ADGRV1: variants seen among roughly 807,000 people sequenced by gnomAD.
ADGRV1 encodes the protein G-protein coupled receptor 98.
A neutral mutation model predicts 596.2 loss-of-function variants in ADGRV1; 359 were observed. The observed-to-expected ratio is 0.60, with a 90% CI of 0.55 to 0.66. The LOEUF (loss-of-function observed/expected upper bound fraction) is 0.66. Among genes scored for constraint, ADGRV1 ranks in the 30% least tolerant of loss-of-function variants. ADGRV1 has a pLI of 0.00. For missense variants in ADGRV1, 7,274 were observed against 7,575.6 expected (o/e 0.96, Z 1.48); for synonymous variants, 2,681 against 2,679.2 (o/e 1.00, Z -0.02).
intron 87 of ADGRV1, among the ~76,000 whole-genome samples, chr5:91,125,205 A>T (rs1296416856): frequency 6.6e-6 from 1 of 152,180 alleles, no homozygotes; most frequent in Admixed American, 6.5e-5. Context: ...AATGGATGAG[A>T]GTGGAGAAGC....
rs140574097 is a variant in ADGRV1, at chr5:90,620,985, T to A, written c.454-1612T>A. ...CACTCACCTTTGCTCAATAGTGTAT[T>A]TTCTGTTCCTTAACTGAATTCCTGT... On this transcript the variant is annotated intron_variant, in intron 4 of 89. Coordinates refer to ENST00000405460, the MANE Select transcript of ADGRV1 (RefSeq NM_032119.4). Among the ~76,000 whole-genome samples, 248 of 152,298 alleles carry A rather than the reference T, an allele frequency of 1.6e-3. 1 individual carries two copies. Among genetic ancestry groups the A allele is most frequent in the Non-Finnish European group, 2.9e-3 (195 of 68,024 alleles).
chr5:90,629,311 A>G lies in ADGRV1; in HGVS notation c.1611A>G (p.Leu537=). The G allele has an allele frequency of 6.2e-7, 1 of 1,613,608 alleles. No individual in the cohort carries two copies. Among genetic ancestry groups the G allele is most frequent in the Non-Finnish European group, 8.5e-7 (1 of 1,179,698 alleles). Residue 537 remains leucine (L), a synonymous_variant, in exon 9 of 90, where the codon TTA becomes TTG. Transcript: ENST00000405460. ...AAAGCAGCCCAGGTGAACGATACTT[A>G]TCCTTGAGTTTTACAAGACTAGGAG... is the stretch of plus-strand genomic sequence containing the variant. ...KIESSPGERY[L]SLSFTRLGGT... is the part of the protein sequence containing the mutation.
At chr5:90,729,200 A>G (rs1019890869) in intron 49 of ADGRV1, among the ~76,000 whole-genome samples, 2 of 152,182 alleles carry the variant, frequency 1.3e-5, no homozygotes, top group African/African-American at 4.8e-5. Context: ...AGATACATGA[A>G]TATTTTATAC....
Position 90,759,401 on chromosome 5 carries a change from T to G in ADGRV1, c.11941-8T>G. ...CTCTCTTTCTCCCTTCCTTCCTTTC[T>G]TTCATAGGTTACTGCAATGATAGAA... On this transcript the variant is annotated splice_polypyrimidine_tract_variant and splice_region_variant and intron_variant, in intron 57 of 89. Transcript: ENST00000405460. The G allele has an allele frequency of 6.5e-7, 1 of 1,542,268 alleles. No homozygotes were observed. The highest frequency in any genetic ancestry group is 8.8e-7 in the Non-Finnish European group (1 of 1,137,522).
intron 11 of ADGRV1, among the ~76,000 whole-genome samples, chr5:90,638,485 CA>C (rs1358932252): frequency 6.6e-6 from 1 of 151,320 alleles, no homozygotes; most frequent in African/African-American, 2.4e-5. Context: ...TAAGAATCAA[CA>C]GCATTTCTCA....
intron 78 of ADGRV1, 145 bp downstream of exon 78, chr5:90,841,130 C>G (rs1194082750): frequency 1.7e-5 from 10 of 585,076 alleles, no homozygotes; most frequent in Non-Finnish European, 2.8e-5. Flanking sequence ...GAATAGAATG[C>G]ATCATATCTG....
chr5:90,680,815 A>G (rs1290714245), intron 26 of ADGRV1, among the ~76,000 whole-genome samples: 1 of 152,224 alleles, frequency 6.6e-6, no homozygotes, highest in Non-Finnish European at 1.5e-5. Flanking sequence ...TTAGCTACAG[A>G]ATGGGACTAT....
At chr5:90,709,821 C>A (rs1580818427) in intron 39 of ADGRV1, among the ~76,000 whole-genome samples, 1 of 152,184 alleles carries the variant, frequency 6.6e-6, no homozygotes, top group South Asian at 2.1e-4. Flanking sequence ...ACTAACAAAA[C>A]AATTCATATT....
In ADGRV1 at chr5:90,653,704, G is replaced by A; in HGVS notation, c.4130G>A (p.Gly1377Asp). 6.2e-7 allele frequency: 1 copy of A among 1,613,040 alleles called. No individual in the cohort carries two copies. Among genetic ancestry groups the A allele is most frequent in the Non-Finnish European group, 8.5e-7 (1 of 1,179,506 alleles). ...GGATTCATTATAGCGAAGGATGACG[G>A]TAATGGAAGCATCTACTACGGGGTA... is the stretch of plus-strand genomic sequence containing the variant. ...TNGFIIAKDD[G>D]NGSIYYGVKI... Residue 1377 changes from glycine to aspartate, a missense_variant, in exon 20 of 90, where the codon GGT (glycine) becomes GAT (aspartate). Physicochemically the swap from Gly to Asp is moderately conservative, Grantham distance 94. This residue lies in a region of ADGRV1 where 1,715 missense variants were observed against 1,708.8 expected (regional missense o/e 1.00). Transcript: ENST00000405460.
chr5:90,863,859 TAGG>T lies in ADGRV1; in HGVS notation c.17856+5_17856+7del, dbSNP rs757892502. The T allele has an allele frequency of 4.4e-6, 7 of 1,589,224 alleles. No individual in the cohort carries two copies. Among genetic ancestry groups the T allele is most frequent in the Non-Finnish European group, 6.0e-6 (7 of 1,157,638 alleles). Reference sequence around the variant, plus strand: ...ATGGCAGCCAGCTTAGGTACACAGGTAGGAGAGCGCTGGCATTTTTGATTTATC... The same window carrying T: ...ATGGCAGCCAGCTTAGGTACACAGGTAGAGCGCTGGCATTTTTGATTTATC... On this transcript the variant is annotated splice_donor_5th_base_variant and intron_variant, in intron 83 of 89. Coordinates refer to ENST00000405460, the MANE Select transcript of ADGRV1 (RefSeq NM_032119.4).
At chr5:90,950,968 C>G (rs540104147) in intron 83 of ADGRV1, among the ~76,000 whole-genome samples, 2 of 152,242 alleles carry the variant, frequency 1.3e-5, no homozygotes, top group South Asian at 4.2e-4. Context: ...AGATAAGCCT[C>G]GCTCTTCTTT....
intron 84 of ADGRV1, among the ~76,000 whole-genome samples, chr5:90,982,088 T>TA (rs1301597622): frequency 6.6e-6 from 1 of 151,760 alleles, no homozygotes; most frequent in Non-Finnish European, 1.5e-5. Context: ...ACCTTGTCTC[T>TA]AAAAAAAAAT....
chr5:90,926,540 C>A (rs1279044481), intron 83 of ADGRV1, among the ~76,000 whole-genome samples: 1 of 151,228 alleles, frequency 6.6e-6, no homozygotes, highest in Non-Finnish European at 1.5e-5. Context: ...CTTTATTAGT[C>A]TTGCTAGCGG....
chr5:90,628,449 G>T, intron 7 of ADGRV1, 113 bp from the exon 8 acceptor site: 1 of 840,142 alleles, frequency 1.2e-6, no homozygotes, highest in South Asian at 1.5e-5. Context: ...TTTTTTTGTT[G>T]TATAGATTCT....
At chr5:90,684,276 A>C in intron 28 of ADGRV1, 81 bp downstream of exon 28, 1 of 1,283,128 alleles carries the variant, frequency 7.8e-7, no homozygotes, top group Non-Finnish European at 1.0e-6. Flanking sequence ...ATTTAATAGA[A>C]AATTCTATAA....
chr5:90,814,906 C>G (rs1463522823), intron 74 of ADGRV1, among the ~76,000 whole-genome samples: 3 of 152,058 alleles, frequency 2.0e-5, no homozygotes, highest in Non-Finnish European at 4.4e-5. Context: ...TTTCTCTAGT[C>G]TGAGAAGCTG....
At chr5:90,728,419 T>C (rs1752079984) in intron 48 of ADGRV1, among the ~76,000 whole-genome samples, 1 of 152,250 alleles carries the variant, frequency 6.6e-6, no homozygotes, top group Non-Finnish European at 1.5e-5. Context: ...TTTTCAAATA[T>C]CTTCTCTTTC....
chr5:90,670,370 A>G (rs1772275593), intron 21 of ADGRV1, among the ~76,000 whole-genome samples: 1 of 152,188 alleles, frequency 6.6e-6, no homozygotes, highest in Non-Finnish European at 1.5e-5. Context: ...TCTTTTGTGG[A>G]TGGAGAAATG....
At chr5:91,000,752 G>GGCCA (rs947138375) in intron 85 of ADGRV1, among the ~76,000 whole-genome samples, 24 of 151,208 alleles carry the variant, frequency 1.6e-4, no homozygotes, top group Admixed American at 1.3e-3. Flanking sequence ...CTGTCATGGA[G>GGCCA]GCCAGCTCAA....
Sources: allele counts gnomAD v4.1 joint callset (sites outside exome capture counted in the v4.1 genomes callset), GRCh38; gene constraint gnomAD v4.1.1; regional missense constraint gnomAD v4.1.1; transcripts MANE v1.5; gene names NCBI Gene and HGNC (gene_info 2026-07-23, HGNC 2026-07-21).